Variants in BMPR1B observed in about 807,000 individuals in gnomAD.
The protein encoded by BMPR1B is bone morphogenetic protein receptor type-1B.
BMPR1B carries 12 observed loss-of-function variants against 59.1 expected under a neutral mutation model. The ratio of observed to expected loss-of-function variants is 0.20; its 90% confidence interval spans 0.13 to 0.33. The LOEUF (loss-of-function observed/expected upper bound fraction) is 0.33. Ranked by LOEUF, BMPR1B falls within the 10% of genes least tolerant of loss-of-function variation. BMPR1B has a pLI of 1.00. For synonymous variants in BMPR1B, 237 were observed against 207.3 expected (o/e 1.14, Z -1.23); for missense variants, 550 against 610.9 (o/e 0.90, Z 1.05).
intron 3 of BMPR1B, among the ~76,000 whole-genome samples, chr4:95,062,330 A>G (rs1167794343): frequency 6.6e-6 from 1 of 152,176 alleles, no homozygotes; most frequent in Non-Finnish European, 1.5e-5. Flanking sequence ...GCATTCTAAT[A>G]TTCTAATATA....
At chr4:94,912,312 A>C (rs1414781285) in intron 2 of BMPR1B, among the ~76,000 whole-genome samples, 2 of 152,140 alleles carry the variant, frequency 1.3e-5, no homozygotes, top group Non-Finnish European at 2.9e-5. Context: ...GTAAAGTACA[A>C]AGTGGAAGCT....
intron 1 of BMPR1B, among the ~76,000 whole-genome samples, chr4:94,858,984 T>C (rs1280865713): frequency 6.6e-6 from 1 of 152,236 alleles, no homozygotes; most frequent in Non-Finnish European, 1.5e-5. Context: ...CCTTTGTTTT[T>C]GCAATTATGT....
At chr4:94,943,319 A>G (rs1025957482) in intron 2 of BMPR1B, among the ~76,000 whole-genome samples, 1 of 152,064 alleles carries the variant, frequency 6.6e-6, no homozygotes, top group Non-Finnish European at 1.5e-5. Flanking sequence ...TTGTATTTTT[A>G]GTAGAGACAG....
chr4:95,025,463 G>C (rs1724288202), intron 3 of BMPR1B, among the ~76,000 whole-genome samples: 1 of 152,104 alleles, frequency 6.6e-6, no homozygotes, highest in Non-Finnish European at 1.5e-5. Flanking sequence ...ACTTGGGCTG[G>C]GGTTTTTGTA....
intron 3 of BMPR1B, among the ~76,000 whole-genome samples, chr4:95,070,193 G>A (rs1728172508): frequency 6.6e-6 from 1 of 152,294 alleles, no homozygotes; most frequent in Admixed American, 6.5e-5. Flanking sequence ...TAGGGATAGA[G>A]AATGGAAATT....
At chr4:95,058,747 CTTTAT>C (rs1337511019) in intron 3 of BMPR1B, among the ~76,000 whole-genome samples, 2 of 152,120 alleles carry the variant, frequency 1.3e-5, no homozygotes, top group African/African-American at 4.8e-5. Context: ...AAGTGTTTAC[CTTTAT>C]TTTCTCTCTA....
intron 10 of BMPR1B, among the ~76,000 whole-genome samples, chr4:95,135,305 A>G (rs574168669): frequency 1.9e-4 from 29 of 152,288 alleles, no homozygotes; most frequent in Non-Finnish European, 3.8e-4. Context: ...TGATGCCTCC[A>G]GCTTTGTTCT....
chr4:94,954,586 G>A (rs1560565721), intron 2 of BMPR1B, among the ~76,000 whole-genome samples: 1 of 152,192 alleles, frequency 6.6e-6, no homozygotes, highest in Non-Finnish European at 1.5e-5. Flanking sequence ...TAAGCATAAT[G>A]ATAAAGAGTG....
At chr4:94,789,157 C>T (rs1031587618) in intron 1 of BMPR1B, among the ~76,000 whole-genome samples, 24 of 152,290 alleles carry the variant, frequency 1.6e-4, no homozygotes, top group Middle Eastern at 3.4e-3. Flanking sequence ...TTTCGTTGCA[C>T]ATCACAATCC....
In BMPR1B at chr4:95,053,719, A is replaced by G. The variant is rs550797273; in HGVS notation, c.-17-50689A>G. On this transcript the variant is annotated intron_variant, in intron 3 of 12. Transcript: ENST00000515059. ...AGTGTGATGAACATGTTGAATCCCAATTGATTTTCCCAGCTTTGTCACCAA... is the reference window on the plus strand; with the variant it reads ...AGTGTGATGAACATGTTGAATCCCAGTTGATTTTCCCAGCTTTGTCACCAA... Among the ~76,000 whole-genome samples the G allele has an allele frequency of 2.1e-3, 324 of 152,278 alleles. 2 individuals are homozygous for G. The highest frequency in any genetic ancestry group is 7.0e-3 in the African/African-American group (293 of 41,564).
intron 3 of BMPR1B, among the ~76,000 whole-genome samples, chr4:95,089,307 T>G (rs1432953557): frequency 2.6e-5 from 4 of 152,226 alleles, no homozygotes; most frequent in Non-Finnish European, 2.9e-5. Context: ...AGATACAGGC[T>G]TTTTGTTGTT....
At chr4:94,966,537 A>G (rs1730561919) in intron 2 of BMPR1B, among the ~76,000 whole-genome samples, 1 of 152,184 alleles carries the variant, frequency 6.6e-6, no homozygotes, top group Non-Finnish European at 1.5e-5. Context: ...AAGAATAAAG[A>G]AAAAAATGCA....
chr4:95,085,655 G>A (rs1729518670), intron 3 of BMPR1B, among the ~76,000 whole-genome samples: 1 of 152,106 alleles, frequency 6.6e-6, no homozygotes, highest in African/African-American at 2.4e-5. Context: ...AAGTAATGCT[G>A]GGAAACTTGA....
chr4:94,779,611 A>G (rs528507635), intron 1 of BMPR1B, among the ~76,000 whole-genome samples: 4 of 152,278 alleles, frequency 2.6e-5, no homozygotes, highest in African/African-American at 9.6e-5. Context: ...CCAGTGGATC[A>G]CCTGAGATAA....
intron 1 of BMPR1B, among the ~76,000 whole-genome samples, chr4:94,812,738 G>A (rs528599218): frequency 2.0e-5 from 3 of 152,284 alleles, no homozygotes; most frequent in African/African-American, 7.2e-5. Context: ...GAGTTCACAG[G>A]TGGAATTGCT....
chr4:94,832,779 T>C (rs745952935), intron 1 of BMPR1B, among the ~76,000 whole-genome samples: 3 of 151,812 alleles, frequency 2.0e-5, no homozygotes, highest in Non-Finnish European at 4.4e-5. Flanking sequence ...TAATGCTCCG[T>C]CTCAAAAAAA....
intron 2 of BMPR1B, among the ~76,000 whole-genome samples, chr4:94,958,587 C>T (rs2149063580): frequency 6.6e-6 from 1 of 152,278 alleles, no homozygotes; most frequent in African/African-American, 2.4e-5. Flanking sequence ...GGTTAGGGAC[C>T]ACCCTAACAG....
At chr4:94,809,570 T>C (rs899624618) in intron 1 of BMPR1B, among the ~76,000 whole-genome samples, 8 of 152,228 alleles carry the variant, frequency 5.3e-5, no homozygotes, top group Non-Finnish European at 1.2e-4. Flanking sequence ...TGCTTTCTTC[T>C]TTAGTACTAA....
chr4:94,889,021 A>C (rs1054836904), intron 2 of BMPR1B, among the ~76,000 whole-genome samples: 1 of 151,862 alleles, frequency 6.6e-6, no homozygotes, highest in African/African-American at 2.4e-5. Context: ...TAAGAGTCTT[A>C]TTTTTTCTTA....
Sources: gnomAD v4.1 joint callset for allele counts (sites outside exome capture counted in the v4.1 genomes callset) on GRCh38, gnomAD v4.1.1 for gene constraint, MANE v1.5 for transcripts, NCBI Gene and HGNC (gene_info 2026-07-23, HGNC 2026-07-21) for gene names.